RAB37: variants seen among roughly 807,000 people sequenced by gnomAD.
RAB37 encodes the protein RAB37, member RAS oncogene family, also known as ras-related protein Rab-37.
Under a neutral mutation model 33.1 loss-of-function variants are expected in RAB37, and 29 were observed. That is an observed-to-expected ratio of 0.88 (90% CI 0.65 to 1.20). The LOEUF is 1.20. RAB37 is among the 50% of genes most tolerant of loss of function. The pLI is 0.00. For synonymous variants in RAB37, 128 were observed against 119.5 expected, an observed-to-expected ratio of 1.07 and a Z score of -0.47; for missense variants, 299 against 301.1, an observed-to-expected ratio of 0.99 and a Z score of 0.05.
intron 1 of RAB37, among the ~76,000 whole-genome samples, chr17:74,678,165 G>T (rs749013546): frequency 6.6e-6 from 1 of 152,126 alleles, no homozygotes; most frequent in African/African-American, 2.4e-5. Context: ...CTGCGAGTGC[G>T]AATGGAGATC....
chr17:74,715,749 C>A lies in RAB37; in HGVS notation c.73-13507C>A, dbSNP rs117107765. ...TGAAACAAGAACAGAGAATTCAGGC[C>A]GGGCACGGTGGCTTACACCTGTGAT... On this transcript the variant is annotated intron_variant, in intron 1 of 7. Coordinates refer to the RAB37 transcript ENST00000340415. 3.0e-4 allele frequency among the ~76,000 whole-genome samples: 46 copies of A among 152,246 alleles called. No homozygotes were observed. The East Asian group carries it at 8.1e-3, about 27-fold the overall frequency.
At chr17:74,739,255 A>G (rs2034550316) in intron 1 of RAB37, among the ~76,000 whole-genome samples, 1 of 152,230 alleles carries the variant, frequency 6.6e-6, no homozygotes, top group Non-Finnish European at 1.5e-5. Flanking sequence ...CTGTTATCCA[A>G]GATTGGAGAA....
chr17:74,705,188 T>C, intron 1 of RAB37: 1 of 697,760 alleles, frequency 1.4e-6, no homozygotes, highest in Non-Finnish European at 2.6e-6. Flanking sequence ...GGAGACCCCT[T>C]TCCACAGGGT....
intron 1 of RAB37, among the ~76,000 whole-genome samples, chr17:74,681,002 G>T (rs1305500712): frequency 6.6e-6 from 1 of 152,182 alleles, no homozygotes; most frequent in Non-Finnish European, 1.5e-5. Context: ...AGAATCCTGA[G>T]AATCAATTCA....
chr17:74,719,646 T>G (rs912771406), intron 1 of RAB37, among the ~76,000 whole-genome samples: 1 of 151,806 alleles, frequency 6.6e-6, no homozygotes, highest in Non-Finnish European at 1.5e-5. Context: ...GCCTCCCCAA[T>G]AGCTGGGAAT....
At chr17:74,695,004 G>A (rs2032288350) in intron 1 of RAB37, 2 of 1,384,834 alleles carry the variant, frequency 1.4e-6, no homozygotes, top group African/African-American at 1.4e-5. Context: ...CAGTCCCCGG[G>A]TTGGTCCTGA....
chr17:74,735,055 AAGAAAGAG>A (rs1567812522), upstream of RAB37, among the ~76,000 whole-genome samples: 1 of 142,094 alleles, frequency 7.0e-6, no homozygotes, highest in African/African-American at 2.5e-5. Flanking sequence ...GAAAGAAAGA[AAGAAAGAG>A]AAAGAAAGGG....
rs540296582 is a variant in RAB37 at position 74,718,954 on chromosome 17, A to G, written c.73-10302A>G. ...TTAATACAGGAAAAACATAAAAAGTATGGCAGTGGAGGGTGTTGATAATGG... is the reference window on the plus strand; with the variant it reads ...TTAATACAGGAAAAACATAAAAAGTGTGGCAGTGGAGGGTGTTGATAATGG... On this transcript the variant is annotated intron_variant, in intron 1 of 7. Transcript: ENST00000340415. Among the ~76,000 whole-genome samples, 17 of 152,288 alleles carry G rather than the reference A, an allele frequency of 1.1e-4. No homozygotes were observed. In the East Asian group the frequency reaches 2.3e-3, roughly 21 times the overall value.
chr17:74,719,819 G>A (rs867790933), intron 1 of RAB37, among the ~76,000 whole-genome samples: 1 of 152,098 alleles, frequency 6.6e-6, no homozygotes, highest in African/African-American at 2.4e-5. Flanking sequence ...ACCTGGCCAA[G>A]CAAATTATTT....
upstream of RAB37, among the ~76,000 whole-genome samples, chr17:74,735,302 G>A (rs2034459690): frequency 6.6e-6 from 1 of 152,182 alleles, no homozygotes; most frequent in South Asian, 2.1e-4. Flanking sequence ...CAATTTGGAA[G>A]GCCAAGGCAG....
Position 74,729,162 on chromosome 17 carries a change from G to A in RAB37, c.73-94G>A. ...GTGTGTGCATGTTGTGCACATGCGT[G>A]CTTAGAAAGAATCCACTCCCACAGC... is the stretch of plus-strand genomic sequence containing the variant. On this transcript the variant is annotated intron_variant, in intron 1 of 7. Coordinates refer to the RAB37 transcript ENST00000340415. The surrounding 1 kb of genome is among the most constrained non-coding windows in gnomAD (Gnocchi z 4.2). The A allele has an allele frequency of 1.2e-6, 1 of 818,582 alleles. No individual in the cohort carries two copies. Among genetic ancestry groups the A allele is most frequent in the African/African-American group, 1.7e-5 (1 of 59,918 alleles). The allele number at this position is 818,582 out of a possible 1,614,324, so 50.7% of individuals were successfully genotyped here. A position where few individuals can be genotyped will look rare whatever the true frequency, so the allele number is the denominator to read the frequency against.
chr17:74,695,169 C>T, intron 1 of RAB37: 1 of 1,614,154 alleles, frequency 6.2e-7, no homozygotes, highest in Non-Finnish European at 8.5e-7. Context: ...ACTGAGGTGG[C>T]CCATGTTGCA....
intron 1 of RAB37, among the ~76,000 whole-genome samples, chr17:74,688,556 A>G (rs1333804556): frequency 6.6e-6 from 1 of 151,196 alleles, no homozygotes; most frequent in Admixed American, 6.6e-5. Context: ...GCACCTCAAA[A>G]AAAAAAAAAA....
chr17:74,729,332 G>T lies in RAB37; in HGVS notation c.149G>T (p.Gly50Val). ...TTCGATCAGGGCAAGTTCATCCCCGGCTCCTTCTCGGCCACTGTGGGCATC... is the reference window on the plus strand; with the variant it reads ...TTCGATCAGGGCAAGTTCATCCCCGTCTCCTTCTCGGCCACTGTGGGCATC... Residue 50 changes from glycine to valine, a missense_variant, in exon 2 of 8, where the codon GGC (glycine) becomes GTC (valine). Coordinates refer to the RAB37 transcript ENST00000340415. The surrounding 1 kb of genome is among the most constrained non-coding windows in gnomAD (Gnocchi z 4.2). 1 of 1,614,054 alleles carries T rather than the reference G, an allele frequency of 6.2e-7. No homozygotes were observed. The highest frequency in any genetic ancestry group is 8.5e-7 in the Non-Finnish European group (1 of 1,179,978).
At chr17:74,700,418 T>A (rs1475609510) in intron 1 of RAB37, among the ~76,000 whole-genome samples, 1 of 152,050 alleles carries the variant, frequency 6.6e-6, no homozygotes, top group East Asian at 1.9e-4. Context: ...TCTGTGTGGC[T>A]CACTTTCTCA....
At chr17:74,743,950 A>G (rs1183617139) in intron 5 of RAB37, among the ~76,000 whole-genome samples, 1 of 152,158 alleles carries the variant, frequency 6.6e-6, no homozygotes, top group Non-Finnish European at 1.5e-5. Context: ...GACATCACTA[A>G]TCAATCACAG....
chr17:74,728,798 T>C (rs1269081832), intron 1 of RAB37, among the ~76,000 whole-genome samples: 1 of 152,156 alleles, frequency 6.6e-6, no homozygotes, highest in East Asian at 1.9e-4. Flanking sequence ...GTGTGTTCTG[T>C]GCATACATGT....
chr17:74,740,766 A>G lies in RAB37; in HGVS notation c.94-2A>G, dbSNP rs2034593328. The G allele has an allele frequency of 6.2e-7, 1 of 1,609,334 alleles. No homozygotes were observed. Among genetic ancestry groups the G allele is most frequent in the Admixed American group, 1.7e-5 (1 of 59,994 alleles). ...TTAACTGCCTCTGCCCCTACCCCCTAGGTGATGCTTCTGGGAGACACAGGC... is the reference window on the plus strand; with the variant it reads ...TTAACTGCCTCTGCCCCTACCCCCTGGGTGATGCTTCTGGGAGACACAGGC... On this transcript the variant is annotated splice_acceptor_variant, in intron 1 of 8. Coordinates refer to ENST00000392613, the MANE Select transcript of RAB37 (RefSeq NM_001006638.3). LOFTEE classifies it high-confidence loss of function.
chr17:74,738,179 G>A lies in RAB37; in HGVS notation c.93+814G>A, dbSNP rs886495352. ...AGCCTAGAGCTTCCACTCTTCCTCT[G>A]CAGGGTTGGGGATGGAGTGAGGGCT... On this transcript the variant is annotated intron_variant, in intron 1 of 8. Transcript: ENST00000392613. The surrounding 1 kb of genome is among the most constrained non-coding windows in gnomAD (Gnocchi z 5.0). Among the ~76,000 whole-genome samples, 2 of 152,152 alleles carry A rather than the reference G, an allele frequency of 1.3e-5. No homozygotes were observed. Among genetic ancestry groups the A allele is most frequent in the South Asian group, 4.1e-4 (2 of 4,820 alleles).
Sources: allele counts gnomAD v4.1 joint callset (sites outside exome capture counted in the v4.1 genomes callset), GRCh38; gene constraint gnomAD v4.1.1; non-coding constraint Gnocchi (gnomAD v3.1); transcripts MANE v1.5; gene names NCBI Gene and HGNC (gene_info 2026-07-23, HGNC 2026-07-21).